SNX7: variants seen among roughly 807,000 people sequenced by gnomAD.
SNX7 encodes the protein sorting nexin-7.
In SNX7, 35 loss-of-function variants were observed where a neutral mutation model predicts 48.4. The ratio of observed to expected loss-of-function variants is 0.72; its 90% CI spans 0.55 to 0.96. The LOEUF (loss-of-function observed/expected upper bound fraction) is 0.96, where lower values mean the gene tolerates loss of function less well. Ranked by LOEUF, SNX7 falls within the 40% of genes least tolerant of loss-of-function variation. The probability of loss-of-function intolerance (pLI) is 0.00; values close to 1 mark genes in which losing one functional copy is unlikely to be tolerated. For synonymous variants in SNX7, 190 were observed against 190.2 expected (o/e 1.00, Z 0.01); for missense variants, 553 against 548.9 (o/e 1.01, Z -0.07).
intron 7 of SNX7, among the ~76,000 whole-genome samples, chr1:98,714,276 C>A (rs942789415): frequency 3.4e-4 from 51 of 152,074 alleles, no homozygotes; most frequent in Non-Finnish European, 3.7e-4. Context: ...GTATGCCAGG[C>A]ACTATGCTAA....
rs545210923 is a variant in SNX7 at position 98,695,596 on chromosome 1, A to G, written c.718A>G (p.Met240Val). ...AACCGTCAGAGCTGTTGCGTCCTCAATGAGAGGAGTTAAAAACCGCCCAGA... is the reference window on the plus strand; with the variant it reads ...AACCGTCAGAGCTGTTGCGTCCTCAGTGAGAGGAGTTAAAAACCGCCCAGA... Reference protein sequence around the residue: ...GQTVRAVASSMRGVKNRPEEF... With the variant: ...GQTVRAVASSVRGVKNRPEEF... Residue 240 changes from methionine (M) to valine (V), a missense_variant, in exon 5 of 9, where the codon ATG becomes GTG. Transcript: ENST00000306121. 7 of 1,614,170 alleles carry G rather than the reference A, an allele frequency of 4.3e-6. No homozygotes were observed. Among genetic ancestry groups the G allele is most frequent in the South Asian group, 3.3e-5 (3 of 91,084 alleles).
chr1:98,666,568 G>A (rs1049865098), intron 1 of SNX7, among the ~76,000 whole-genome samples: 5 of 152,108 alleles, frequency 3.3e-5, no homozygotes, highest in East Asian at 1.9e-4. Context: ...GGGTGGGGTC[G>A]TAGGACATAG....
intron 7 of SNX7, among the ~76,000 whole-genome samples, chr1:98,734,102 T>C (rs997455705): frequency 6.6e-6 from 1 of 152,140 alleles, no homozygotes; most frequent in African/African-American, 2.4e-5. Flanking sequence ...TGCAGCATAC[T>C]ATTTCTGTGG....
At chr1:98,664,873 A>T (rs1051769722) in intron 1 of SNX7, among the ~76,000 whole-genome samples, 7 of 152,150 alleles carry the variant, frequency 4.6e-5, no homozygotes, top group African/African-American at 1.7e-4. Flanking sequence ...AAACAGTAAA[A>T]ATAAAAAAAT....
intron 7 of SNX7, among the ~76,000 whole-genome samples, chr1:98,726,425 C>T (rs1049656448): frequency 1.9e-4 from 29 of 152,242 alleles, no homozygotes; most frequent in African/African-American, 6.7e-4. Flanking sequence ...GGAAACTTAT[C>T]GTTGAGGCAG....
At chr1:98,734,953 T>G (rs1042442447) in intron 7 of SNX7, among the ~76,000 whole-genome samples, 3 of 152,194 alleles carry the variant, frequency 2.0e-5, no homozygotes, top group African/African-American at 7.2e-5. Context: ...CCTTAAATCC[T>G]ATCTAGCCCA....
chr1:98,720,434 T>C (rs1256005932), intron 7 of SNX7, among the ~76,000 whole-genome samples: 1 of 152,084 alleles, frequency 6.6e-6, no homozygotes, highest in Non-Finnish European at 1.5e-5. Flanking sequence ...GAGAAAATAT[T>C]CAGTAATATT....
intron 2 of SNX7, 137 bp downstream of exon 2, chr1:98,685,204 C>A: frequency 2.1e-6 from 1 of 482,618 alleles, no homozygotes; most frequent in Non-Finnish European, 3.5e-6. Context: ...AACCTTTTGG[C>A]TAACACATTG....
chr1:98,706,633 T>A (rs1378927545), intron 7 of SNX7, among the ~76,000 whole-genome samples: 1 of 152,152 alleles, frequency 6.6e-6, no homozygotes, highest in African/African-American at 2.4e-5. Flanking sequence ...GTGCATGGGA[T>A]GGAGGAAAGC....
chr1:98,744,468 A>C (rs1654224524), intron 8 of SNX7, among the ~76,000 whole-genome samples: 2 of 151,990 alleles, frequency 1.3e-5, no homozygotes, highest in Non-Finnish European at 2.9e-5. Context: ...TTTTGGGGGA[A>C]AAAATGTGAA....
chr1:98,739,231 G>A (rs1653947697), intron 8 of SNX7, among the ~76,000 whole-genome samples: 1 of 152,112 alleles, frequency 6.6e-6, no homozygotes, highest in Admixed American at 6.6e-5. Context: ...TGATCTGATA[G>A]GGAGTAGAGC....
chr1:98,708,189 GTGTC>G (rs1204569116), intron 7 of SNX7, among the ~76,000 whole-genome samples: 1 of 152,026 alleles, frequency 6.6e-6, no homozygotes, highest in Non-Finnish European at 1.5e-5. Flanking sequence ...TTACAGCTAT[GTGTC>G]TGTCTCTCAT....
intron 7 of SNX7, among the ~76,000 whole-genome samples, chr1:98,708,163 G>T (rs772818183): frequency 7.9e-5 from 12 of 151,912 alleles, no homozygotes; most frequent in Non-Finnish European, 1.8e-4. Context: ...TTTCTACTCT[G>T]CTTCTTTTTG....
chr1:98,738,370 A>G lies in SNX7; in HGVS notation c.1259A>G (p.Asn420Ser). 6.2e-7 allele frequency: 1 copy of G among 1,613,222 alleles called. No individual in the cohort carries two copies. The highest frequency in any genetic ancestry group is 8.5e-7 in the Non-Finnish European group (1 of 1,179,504). ...GCATTTACAGATATGGCTGAGGAGA[A>G]TATCCATTATTATGAACAGGTAATT... ...KLAFTDMAEE[N>S]IHYYEQCLAT... Residue 420 changes from asparagine (N) to serine (S), a missense_variant, in exon 8 of 9, where the codon AAT becomes AGT. By Grantham distance (46) the Asn-to-Ser change is conservative. Coordinates refer to ENST00000306121, the MANE Select transcript of SNX7 (RefSeq NM_015976.5).
At chr1:98,719,878 A>C (rs1652773576) in intron 7 of SNX7, among the ~76,000 whole-genome samples, 1 of 148,708 alleles carries the variant, frequency 6.7e-6, no homozygotes, top group Admixed American at 6.8e-5. Context: ...TATAAAATAT[A>C]TATTTTTAAT....
chr1:98,715,658 A>G (rs148533788), intron 7 of SNX7, among the ~76,000 whole-genome samples: 8 of 152,150 alleles, frequency 5.3e-5, no homozygotes, highest in African/African-American at 2.4e-5. Flanking sequence ...GCTGGCTTCT[A>G]TGCCCTTTTG....
At chr1:98,712,350 A>G (rs920991780) in intron 7 of SNX7, among the ~76,000 whole-genome samples, 1 of 152,208 alleles carries the variant, frequency 6.6e-6, no homozygotes, top group Non-Finnish European at 1.5e-5. Flanking sequence ...TTAAATAATA[A>G]GACTCAAAAG....
At chr1:98,744,323 G>A (rs1654216317) in intron 8 of SNX7, among the ~76,000 whole-genome samples, 1 of 151,936 alleles carries the variant, frequency 6.6e-6, no homozygotes, top group Non-Finnish European at 1.5e-5. Context: ...GAATGAAGCA[G>A]GTGAAGAATC....
chr1:98,748,041 A>G (rs1016663543), intron 8 of SNX7, among the ~76,000 whole-genome samples: 6 of 150,730 alleles, frequency 4.0e-5, no homozygotes, highest in African/African-American at 7.3e-5. Flanking sequence ...CAGTGCTCCA[A>G]TCTCAGCTCA....
Sources: allele counts gnomAD v4.1 joint callset (sites outside exome capture counted in the v4.1 genomes callset), GRCh38; gene constraint gnomAD v4.1.1; transcripts MANE v1.5; gene names NCBI Gene and HGNC (gene_info 2026-07-23, HGNC 2026-07-21).